Variants in SFMBT2 observed in about 807,000 individuals in gnomAD.
The protein encoded by SFMBT2 is Scm like with four mbt domains 2, also known as scm-like with four MBT domains protein 2.
Under a neutral mutation model 110.1 loss-of-function variants are expected in SFMBT2, and 38 were observed. The observed-to-expected ratio is 0.35, with a 90% CI of 0.27 to 0.45. SFMBT2 has a LOEUF of 0.45. Among genes scored for constraint, SFMBT2 ranks in the 20% least tolerant of loss-of-function variants. The pLI, the probability that SFMBT2 is intolerant of heterozygous loss-of-function variation, is 1.00. For missense variants in SFMBT2, 1,011 were observed against 1,094.9 expected (o/e 0.92, Z 1.08); for synonymous variants, 425 against 425.4 (o/e 1.00, Z 0.01).
chr10:7,299,443 A>C (rs1302738903), intron 4 of SFMBT2, among the ~76,000 whole-genome samples: 1 of 152,272 alleles, frequency 6.6e-6, no homozygotes, highest in Non-Finnish European at 1.5e-5. Context: ...GACACTTCTC[A>C]AAAGCAGACA....
chr10:7,255,293 C>T (rs1212214864), intron 7 of SFMBT2, among the ~76,000 whole-genome samples: 1 of 152,182 alleles, frequency 6.6e-6, no homozygotes, highest in African/African-American at 2.4e-5. Flanking sequence ...CATTCTTGGC[C>T]TTTGCAAAGC....
intron 9 of SFMBT2, among the ~76,000 whole-genome samples, chr10:7,229,999 G>C (rs1840068103): frequency 7.0e-6 from 1 of 142,840 alleles, no homozygotes; most frequent in African/African-American, 2.6e-5. Context: ...TTACAGACAT[G>C]AGCCACCCCG....
At chr10:7,384,941 G>A (rs978900178) in intron 1 of SFMBT2, among the ~76,000 whole-genome samples, 8 of 152,170 alleles carry the variant, frequency 5.3e-5, no homozygotes, top group African/African-American at 1.9e-4. Context: ...TGTCTCAGAA[G>A]GTTCCAGAGA....
intron 4 of SFMBT2, among the ~76,000 whole-genome samples, chr10:7,355,896 A>C (rs1588475467): frequency 6.6e-6 from 1 of 152,242 alleles, no homozygotes; most frequent in African/African-American, 2.4e-5. Context: ...TCCAGAATAG[A>C]AACTGCTCAG....
At chr10:7,205,388 G>A in intron 12 of SFMBT2, 1 of 984,258 alleles carries the variant, frequency 1.0e-6, no homozygotes, top group Non-Finnish European at 1.2e-6. Context: ...ACTGTGCCTA[G>A]CCTGGTTAAG....
rs572476535 is a variant in SFMBT2 at position 7,273,464 on chromosome 10, AT to A, written c.870+3427del. ...CAAGAACCAACCAACCCCCGCCCAC[AT>A]TTTTTTAATGTATTTTTTTAAATTA... is the stretch of plus-strand genomic sequence containing the variant. On this transcript the variant is annotated intron_variant, in intron 7 of 20. Coordinates refer to ENST00000397167, the MANE Select transcript of SFMBT2 (RefSeq NM_001387889.1). Among the ~76,000 whole-genome samples, 132 of 152,184 alleles carry A rather than the reference AT, an allele frequency of 8.7e-4. 4 individuals are homozygous for A. Among genetic ancestry groups the A allele is most frequent in the South Asian group, 5.2e-3 (25 of 4,814 alleles).
rs1588763421 is a variant in SFMBT2, at chr10:7,172,557, A to G, written c.2089T>C (p.Ser697Pro). Residue 697 changes from serine to proline, a missense_variant, in exon 18 of 21, where the codon TCC (serine) becomes CCC (proline). By Grantham distance (74) the Ser-to-Pro change is moderately conservative. This residue lies in a region of SFMBT2 where 979 missense variants were observed against 1,016.1 expected (regional missense o/e 0.96). Transcript: ENST00000397167. The surrounding 1 kb of genome is among the most constrained non-coding windows in gnomAD (Gnocchi z 4.6). ...CTCCGTTTCTTCTGCACGAAAATGG[A>G]TTTCCGTCGCTTCCTCCGCCTGGCG... ...KPARRRKRRK[S>P]IFVQKKRRSS... 2 of 1,614,060 alleles carry G rather than the reference A, an allele frequency of 1.2e-6. No homozygotes were observed. Among genetic ancestry groups the G allele is most frequent in the Non-Finnish European group, 1.7e-6 (2 of 1,180,000 alleles).
At chr10:7,269,172 A>G (rs1841492887) in intron 7 of SFMBT2, among the ~76,000 whole-genome samples, 1 of 152,226 alleles carries the variant, frequency 6.6e-6, no homozygotes, top group Non-Finnish European at 1.5e-5. Flanking sequence ...AATGATCTGT[A>G]TTTGCCAAAT....
rs779491330 is a variant in SFMBT2 at position 7,174,029 on chromosome 10, G to A, written c.1985-1368C>T. On this transcript the variant is annotated intron_variant, in intron 17 of 20. Transcript: ENST00000397167. ...CTCTATGTCCCACCTCCTCCCCTGC[G>A]TTTGATCACAGCATGGCATTTGGAA... Among the ~76,000 whole-genome samples, 11 of 152,154 alleles carry A rather than the reference G, an allele frequency of 7.2e-5. No individual in the cohort carries two copies. In the South Asian group the frequency reaches 1.0e-3, roughly 14 times the overall value.
intron 2 of SFMBT2, among the ~76,000 whole-genome samples, chr10:7,381,499 C>T (rs891213365): frequency 6.6e-6 from 1 of 152,160 alleles, no homozygotes; most frequent in Admixed American, 6.5e-5. Context: ...ACAAACCCTG[C>T]AGGATGGTGC....
At chr10:7,370,732 C>G in intron 2 of SFMBT2, 1 of 628,802 alleles carries the variant, frequency 1.6e-6, no homozygotes. Context: ...GAGGACAAGG[C>G]GAAGGAACCC....
At chr10:7,220,357 T>C in intron 11 of SFMBT2, 54 bp downstream of exon 11, 3 of 1,558,660 alleles carry the variant, frequency 1.9e-6, no homozygotes, top group Non-Finnish European at 2.6e-6. Flanking sequence ...CACGTTGCCA[T>C]TTCGACAAAC....
chr10:7,302,695 A>C (rs1842586588), intron 4 of SFMBT2, among the ~76,000 whole-genome samples: 1 of 152,222 alleles, frequency 6.6e-6, no homozygotes, highest in African/African-American at 2.4e-5. Context: ...GTTGTTATTA[A>C]AGGAAAACTG....
intron 7 of SFMBT2, among the ~76,000 whole-genome samples, chr10:7,272,151 C>T (rs1841605287): frequency 1.3e-5 from 2 of 152,286 alleles, no homozygotes; most frequent in South Asian, 4.1e-4. Context: ...CTTGATCGTA[C>T]CCTAGAGTCC....
At position 7,180,300 on chromosome 10, in the gene SFMBT2, T is replaced by TTA. The variant is rs1045130929; in HGVS notation, c.1809-4136_1809-4135insTA. 5.3e-5 allele frequency among the ~76,000 whole-genome samples: 8 copies of TTA among 150,872 alleles called. 1 individual carries two copies. The highest frequency in any genetic ancestry group is 5.3e-4 in the Admixed American group (8 of 15,160). On this transcript the variant is annotated intron_variant, in intron 16 of 20. Transcript: ENST00000397167. ...CCACCACGCCTATAGTGGTAATTTT[T>TTA]TTTTTTTTTTGTATTTTTAGTAGAG...
At chr10:7,343,071 G>C (rs1251345087) in intron 4 of SFMBT2, among the ~76,000 whole-genome samples, 1 of 151,912 alleles carries the variant, frequency 6.6e-6, no homozygotes, top group Non-Finnish European at 1.5e-5. Flanking sequence ...CCGTGTCTAT[G>C]ATTCCCATCT....
At chr10:7,222,928 T>C (rs1233964331) in intron 10 of SFMBT2, among the ~76,000 whole-genome samples, 1 of 152,128 alleles carries the variant, frequency 6.6e-6, no homozygotes. Flanking sequence ...AGTGCTGGGA[T>C]TACAGGTGTG....
chr10:7,406,719 T>G (rs868076027), intron 1 of SFMBT2, among the ~76,000 whole-genome samples: 16 of 152,260 alleles, frequency 1.1e-4, no homozygotes, highest in African/African-American at 3.4e-4. Context: ...GATGTATGAC[T>G]TCCATCATTA....
At chr10:7,315,621 G>A (rs148436197) in intron 4 of SFMBT2, among the ~76,000 whole-genome samples, 19 of 152,252 alleles carry the variant, frequency 1.2e-4, no homozygotes, top group African/African-American at 3.4e-4. Context: ...ATCATCACAG[G>A]AGCCAACTCC....
Sources: gnomAD v4.1 joint callset for allele counts (sites outside exome capture counted in the v4.1 genomes callset) on GRCh38, gnomAD v4.1.1 for gene constraint, gnomAD v4.1.1 regional missense constraint, Gnocchi (gnomAD v3.1) non-coding constraint, MANE v1.5 for transcripts, NCBI Gene and HGNC (gene_info 2026-07-23, HGNC 2026-07-21) for gene names.